The following TBC1D25 variants were observed in gnomAD, a reference collection of about 807,000 sequenced individuals.
The protein encoded by TBC1D25 is TBC1 domain family member 25.
Under a neutral mutation model 38.8 loss-of-function variants are expected in TBC1D25, and 13 were observed. The observed-to-expected ratio is 0.34, with a 90% CI of 0.22 to 0.53. The LOEUF (loss-of-function observed/expected upper bound fraction) is 0.53, where lower values mean the gene tolerates loss of function less well. Ranked by LOEUF, TBC1D25 falls within the 20% of genes least tolerant of loss-of-function variation. The pLI, the probability that TBC1D25 is intolerant of heterozygous loss-of-function variation, is 0.94. For missense variants in TBC1D25, 372 were observed against 600.0 expected (o/e 0.62, Z 3.97); for synonymous variants, 225 against 255.6 (o/e 0.88, Z 1.14).
chrX:48,551,396 C>T (rs943154058), intron 3 of TBC1D25, among the ~76,000 whole-genome samples: 3 of 110,999 alleles, frequency 2.7e-5, no homozygotes, highest in Admixed American at 9.6e-5. Flanking sequence ...GGCACAATTC[C>T]GGCTCACTGC....
intron 3 of TBC1D25, among the ~76,000 whole-genome samples, chrX:48,556,765 AAAAG>A (rs1343373111): frequency 2.8e-5 from 3 of 107,164 alleles, no homozygotes; most frequent in African/African-American, 1.0e-4. Context: ...AAAAAAAAAA[AAAAG>A]CCAGCCACTG....
chrX:48,543,219 G>A (rs1556980732), intron 2 of TBC1D25, among the ~76,000 whole-genome samples: 1 of 110,084 alleles, frequency 9.1e-6, no homozygotes, highest in African/African-American at 3.3e-5. Context: ...GGTATTGCCA[G>A]GTAAAAGGGT....
intron 2 of TBC1D25, among the ~76,000 whole-genome samples, chrX:48,542,165 A>AT (rs1389559717): frequency 0.26 from 19,924 of 75,444 alleles, 3,021 homozygotes; most frequent in East Asian, 0.4. Context: ...TGCCCGGATA[A>AT]TTTTTTTTTT....
intron 3 of TBC1D25, among the ~76,000 whole-genome samples, chrX:48,551,232 C>G (rs782028300): frequency 8.9e-6 from 1 of 112,161 alleles, no homozygotes; most frequent in Non-Finnish European, 1.9e-5. Context: ...ATTCACACTA[C>G]GTGGGTTATA....
chrX:48,552,496 C>T (rs1412709744), intron 3 of TBC1D25, among the ~76,000 whole-genome samples: 2 of 109,921 alleles, frequency 1.8e-5, no homozygotes, highest in Non-Finnish European at 3.8e-5. Flanking sequence ...GGATTACAGG[C>T]GCTCACCATC....
intron 3 of TBC1D25, among the ~76,000 whole-genome samples, chrX:48,551,919 C>T (rs1372148057): frequency 1.8e-5 from 2 of 111,316 alleles, no homozygotes; most frequent in African/African-American, 6.5e-5. Context: ...CGCGCCTGGC[C>T]TCTGCCTGTT....
chrX:48,543,869 GT>G (rs2061861480), intron 2 of TBC1D25, among the ~76,000 whole-genome samples: 4 of 87,778 alleles, frequency 4.6e-5, no homozygotes, highest in African/African-American at 1.9e-4. Context: ...GGGCGACAGA[GT>G]GAGACTCCGT....
intron 3 of TBC1D25, among the ~76,000 whole-genome samples, chrX:48,547,937 CAAAA>C (rs1166013131): frequency 2.8e-5 from 1 of 36,059 alleles, no homozygotes; most frequent in Non-Finnish European, 5.1e-5. Flanking sequence ...GACTCCATCT[CAAAA>C]AAAAAAAAAA....
intron 3 of TBC1D25, among the ~76,000 whole-genome samples, chrX:48,552,704 C>T (rs1468999991): frequency 9.0e-6 from 1 of 110,674 alleles, no homozygotes; most frequent in Non-Finnish European, 1.9e-5. Flanking sequence ...CCCACTTTTT[C>T]TGGCCTTTAA....
intron 3 of TBC1D25, among the ~76,000 whole-genome samples, chrX:48,545,567 C>T (rs1169330559): frequency 2.7e-5 from 3 of 111,991 alleles, no homozygotes; most frequent in African/African-American, 9.7e-5. Context: ...CTCTCAGCCA[C>T]TTTTTCTCTT....
At chrX:48,555,574 C>T (rs1320650318) in intron 3 of TBC1D25, among the ~76,000 whole-genome samples, 2 of 111,192 alleles carry the variant, frequency 1.8e-5, no homozygotes, top group African/African-American at 6.6e-5. Flanking sequence ...TAGGTGGAGA[C>T]GAGAGATTGA....
At chrX:48,552,405 A>G (rs2061942424) in intron 3 of TBC1D25, among the ~76,000 whole-genome samples, 1 of 95,901 alleles carries the variant, frequency 1.0e-5, no homozygotes, top group Non-Finnish European at 2.0e-5. Flanking sequence ...CCCAGACTGG[A>G]GTGCAGTGGC....
At position 48,543,757 on chromosome X, in the gene TBC1D25, G is replaced by A. The variant is rs192544309; in HGVS notation, c.234-1112G>A. On this transcript the variant is annotated intron_variant, in intron 2 of 5. Transcript: ENST00000376771. ...AAATTCTCCAGGCGTGGTGGTGGGCGCCTGTAGTCCCAGCTACTTGGGAGG... is the reference window on the plus strand; with the variant it reads ...AAATTCTCCAGGCGTGGTGGTGGGCACCTGTAGTCCCAGCTACTTGGGAGG... Among the ~76,000 whole-genome samples, 1,028 of 107,829 alleles carry A rather than the reference G, an allele frequency of 9.5e-3. 18 individuals are homozygous for A. Among genetic ancestry groups the A allele is most frequent in the African/African-American group, 0.033 (981 of 29,725 alleles). The allele number at this position is 107,829 out of a possible 115,157, so 93.6% of individuals were successfully genotyped here.
chrX:48,557,305 C>T (rs1171238853), intron 3 of TBC1D25, among the ~76,000 whole-genome samples: 1 of 110,975 alleles, frequency 9.0e-6, no homozygotes, highest in Non-Finnish European at 1.9e-5. Flanking sequence ...GTCAGGAGTT[C>T]GAGACCGGCC....
intron 3 of TBC1D25, among the ~76,000 whole-genome samples, chrX:48,558,317 C>T (rs1038249478): frequency 1.8e-5 from 2 of 111,369 alleles, no homozygotes; most frequent in African/African-American, 3.3e-5. Flanking sequence ...GTAATATTAG[C>T]GTGCACTGTT....
At chrX:48,555,057 G>A (rs1377821815) in intron 3 of TBC1D25, among the ~76,000 whole-genome samples, 1 of 111,629 alleles carries the variant, frequency 9.0e-6, no homozygotes, top group African/African-American at 3.3e-5. Context: ...AGAACAGGTA[G>A]GATGGAGGAA....
intron 2 of TBC1D25, among the ~76,000 whole-genome samples, chrX:48,544,192 T>A (rs2061864804): frequency 1.8e-5 from 2 of 112,163 alleles, no homozygotes; most frequent in Admixed American, 1.9e-4. Context: ...TTCTTAGTTG[T>A]TATTAGACTT....
chrX:48,543,744 C>T (rs1291156264), intron 2 of TBC1D25, among the ~76,000 whole-genome samples: 3 of 107,819 alleles, frequency 2.8e-5, no homozygotes, highest in African/African-American at 6.7e-5. Flanking sequence ...ATTCTCCAGG[C>T]GTGGTGGTGG....
At chrX:48,541,186 T>G in intron 1 of TBC1D25, 147 bp from the exon 2 acceptor site, 1 of 513,420 alleles carries the variant, frequency 1.9e-6, no homozygotes, top group Non-Finnish European at 3.5e-6. Flanking sequence ...TGCAGTAGCC[T>G]CCTCCTCACT....
Sources: allele counts gnomAD v4.1 joint callset (sites outside exome capture counted in the v4.1 genomes callset), GRCh38; gene constraint gnomAD v4.1.1; transcripts MANE v1.5; gene names NCBI Gene and HGNC (gene_info 2026-07-23, HGNC 2026-07-21).